The following CLHC1 variants were observed in gnomAD, a reference collection of about 807,000 sequenced individuals.
The protein encoded by CLHC1 is clathrin heavy chain linker domain containing 1, also known as clathrin heavy chain linker domain-containing protein 1.
CLHC1 carries 72 observed loss-of-function variants against 69.5 expected under a neutral mutation model. The observed-to-expected ratio is 1.04, with a 90% confidence interval of 0.86 to 1.26. CLHC1 has a LOEUF of 1.26. CLHC1 is among the 50% of genes most tolerant of loss of function. The pLI, the probability that CLHC1 is intolerant of heterozygous loss-of-function variation, is 0.00. For synonymous variants in CLHC1, 223 were observed against 224.3 expected (o/e 0.99, Z 0.05); for missense variants, 790 against 679.3 (o/e 1.16, Z -1.81).
intron 9 of CLHC1, among the ~76,000 whole-genome samples, chr2:55,200,577 T>A (rs1434200165): frequency 7.2e-5 from 11 of 152,146 alleles, no homozygotes; most frequent in Non-Finnish European, 1.5e-4. Context: ...AATATAATAA[T>A]AGTTGGAGAA....
At chr2:55,203,341 A>T (rs935925020) in intron 9 of CLHC1, among the ~76,000 whole-genome samples, 1 of 152,212 alleles carries the variant, frequency 6.6e-6, no homozygotes, top group Non-Finnish European at 1.5e-5. Context: ...CAAAAGACCC[A>T]GAATAGCCAA....
chr2:55,213,825 G>C (rs1673232622), intron 4 of CLHC1, among the ~76,000 whole-genome samples: 2 of 152,218 alleles, frequency 1.3e-5, no homozygotes, highest in Non-Finnish European at 2.9e-5. Flanking sequence ...CTACAATGGA[G>C]AATGATTGGA....
chr2:55,217,242 A>G (rs769609303), intron 4 of CLHC1, among the ~76,000 whole-genome samples: 6 of 150,152 alleles, frequency 4.0e-5, no homozygotes, highest in Non-Finnish European at 7.4e-5. Context: ...TTTGGCCAGC[A>G]CAGTGGTTCA....
At chr2:55,217,503 A>T (rs1344131207) in intron 4 of CLHC1, among the ~76,000 whole-genome samples, 3 of 131,364 alleles carry the variant, frequency 2.3e-5, no homozygotes, top group Non-Finnish European at 3.2e-5. Context: ...AGCCTGGGCA[A>T]CAAGAGTGAA....
chr2:55,219,800 C>T (rs1673937076), intron 3 of CLHC1, among the ~76,000 whole-genome samples: 1 of 152,182 alleles, frequency 6.6e-6, no homozygotes, highest in South Asian at 2.1e-4. Flanking sequence ...TTCCATTCCA[C>T]CTCAGCTCCT....
intron 9 of CLHC1, among the ~76,000 whole-genome samples, chr2:55,203,721 G>A (rs1052134176): frequency 6.6e-6 from 1 of 152,016 alleles, no homozygotes; most frequent in Admixed American, 6.6e-5. Context: ...AGAAAACATT[G>A]GGGAAATTCT....
chr2:55,192,186 C>T (rs776603241), intron 9 of CLHC1, among the ~76,000 whole-genome samples: 5 of 151,900 alleles, frequency 3.3e-5, no homozygotes, highest in Non-Finnish European at 7.4e-5. Flanking sequence ...GTAGTGTGAT[C>T]TTGGCTCACT....
chr2:55,202,884 G>A (rs1456099050), intron 9 of CLHC1, among the ~76,000 whole-genome samples: 1 of 137,476 alleles, frequency 7.3e-6, no homozygotes, highest in East Asian at 2.1e-4. Context: ...GGGTGACAGA[G>A]TGAGACTCAT....
intron 3 of CLHC1, among the ~76,000 whole-genome samples, chr2:55,219,275 C>T (rs1438690043): frequency 6.6e-6 from 1 of 152,150 alleles, no homozygotes; most frequent in Admixed American, 6.5e-5. Context: ...GCTCCCAAGT[C>T]TGTTTGTTAG....
intron 1 of CLHC1, chr2:55,231,985 C>T (rs1035835330): frequency 1.3e-5 from 2 of 152,260 alleles, no homozygotes; most frequent in Non-Finnish European, 2.9e-5. Flanking sequence ...GGCTGAACCC[C>T]CGCTTCCGCA....
At chr2:55,217,313 C>T (rs979656607) in intron 4 of CLHC1, among the ~76,000 whole-genome samples, 2 of 148,038 alleles carry the variant, frequency 1.4e-5, no homozygotes, top group Non-Finnish European at 3.0e-5. Context: ...CTCAGCAATT[C>T]GAGACCAGCC....
chr2:55,222,548 T>C, intron 2 of CLHC1, 55 bp from the exon 3 acceptor site: 2 of 615,654 alleles, frequency 3.2e-6, no homozygotes, highest in Non-Finnish European at 5.4e-6. Context: ...TTAAGTCAAA[T>C]ATTGATCTAA....
intron 3 of CLHC1, among the ~76,000 whole-genome samples, chr2:55,221,071 G>A (rs1273610657): frequency 1.3e-5 from 2 of 152,180 alleles, no homozygotes; most frequent in African/African-American, 2.4e-5. Context: ...CTCTTAGAGT[G>A]AGGCACTAGG....
chr2:55,231,207 G>A (rs1443285683), intron 1 of CLHC1, among the ~76,000 whole-genome samples: 1 of 147,908 alleles, frequency 6.8e-6, no homozygotes, highest in Non-Finnish European at 1.5e-5. Context: ...CCGAGACCGC[G>A]CCACTGCACT....
At chr2:55,192,923 C>T (rs1671066046) in intron 9 of CLHC1, among the ~76,000 whole-genome samples, 1 of 136,506 alleles carries the variant, frequency 7.3e-6, no homozygotes, top group African/African-American at 2.7e-5. Context: ...TGGAGTCTTA[C>T]TCTGTCACCC....
chr2:55,189,773 G>C (rs1479756248), intron 9 of CLHC1, among the ~76,000 whole-genome samples: 1 of 152,184 alleles, frequency 6.6e-6, no homozygotes, highest in Non-Finnish European at 1.5e-5. Context: ...CCTAAGGCCA[G>C]GGAAAGAACT....
chr2:55,214,236 G>A (rs1038249362), intron 4 of CLHC1, among the ~76,000 whole-genome samples: 15 of 152,274 alleles, frequency 9.9e-5, no homozygotes, highest in Admixed American at 1.3e-4. Flanking sequence ...TGGGCTGGGC[G>A]CGGTGGCTCA....
Position 55,181,663 on chromosome 2 carries a change from C to A in CLHC1, c.1088G>T (p.Cys363Phe), listed in dbSNP as rs202079895. Residue 363 changes from cysteine to phenylalanine, a missense_variant, in exon 10 of 13, where the codon TGT becomes TTT. Coordinates refer to ENST00000401408, the MANE Select transcript of CLHC1 (RefSeq NM_152385.4). ...CAGGGTTAGAGCTGCATCAACAGGA[C>A]ATGGAAAAGCATGACTTGTGATAAA... is the stretch of plus-strand genomic sequence containing the variant. Reference protein sequence around the residue: ...ALFITSHAFPCPVDAALTLEG... With the variant: ...ALFITSHAFPFPVDAALTLEG... 2.9e-4 allele frequency: 465 copies of A among 1,613,468 alleles called. No homozygotes were observed. The highest frequency in any genetic ancestry group is 3.8e-4 in the Non-Finnish European group (449 of 1,179,714).
At chr2:55,217,408 A>C (rs762978529) in intron 4 of CLHC1, among the ~76,000 whole-genome samples, 7 of 149,146 alleles carry the variant, frequency 4.7e-5, no homozygotes, top group South Asian at 4.3e-4. Context: ...CTGTAGTCCC[A>C]GCTATTCAGG....
Sources: allele counts gnomAD v4.1 joint callset (sites outside exome capture counted in the v4.1 genomes callset), GRCh38; gene constraint gnomAD v4.1.1; transcripts MANE v1.5; gene names NCBI Gene and HGNC (gene_info 2026-07-23, HGNC 2026-07-21).